Variants in ADGRL2 observed in about 807,000 individuals in gnomAD.
ADGRL2 encodes adhesion G protein-coupled receptor L2.
ADGRL2 carries 44 observed loss-of-function variants against 157.4 expected under a neutral mutation model. The ratio of observed to expected loss-of-function variants is 0.28; its 90% confidence interval spans 0.22 to 0.36. The LOEUF is 0.36. Among genes scored for constraint, ADGRL2 ranks in the 10% least tolerant of loss-of-function variants. ADGRL2 has a pLI of 1.00. For missense variants in ADGRL2, 1,510 were observed against 1,768.9 expected (o/e 0.85, Z 2.63); for synonymous variants, 585 against 624.7 (o/e 0.94, Z 0.95).
intron 1 of ADGRL2, among the ~76,000 whole-genome samples, chr1:81,410,563 T>C (rs1377759829): frequency 6.6e-6 from 1 of 152,198 alleles, no homozygotes; most frequent in Non-Finnish European, 1.5e-5. Context: ...ACATAGAAGC[T>C]ATGCCAGCCT....
chr1:81,596,308 T>C (rs1045955858), intron 3 of ADGRL2: 1 of 551,190 alleles, frequency 1.8e-6, no homozygotes, highest in African/African-American at 1.9e-5. Flanking sequence ...CAAGGATTTT[T>C]TCTTGTAGTG....
In ADGRL2 at chr1:81,943,773, AGC is replaced by A; in HGVS notation, c.1210+6_1210+7del. On this transcript the variant is annotated splice_donor_5th_base_variant and intron_variant, in intron 6 of 23. Transcript: ENST00000686636. The surrounding 1 kb of genome is among the most constrained non-coding windows in gnomAD (Gnocchi z 5.6). ...GGTCCACCTGATCCTGCCCAAGGTA[AGC>A]GTGTTTACTTGCTAATGCTTATGTC... is the stretch of plus-strand genomic sequence containing the variant. The A allele has an allele frequency of 6.2e-7, 1 of 1,608,108 alleles. No individual in the cohort carries two copies. Among genetic ancestry groups the A allele is most frequent in the Non-Finnish European group, 8.5e-7 (1 of 1,175,506 alleles).
chr1:81,750,777 C>A (rs2085465456), intron 1 of ADGRL2, among the ~76,000 whole-genome samples: 1 of 151,918 alleles, frequency 6.6e-6, no homozygotes, highest in African/African-American at 2.4e-5. Context: ...CCCTGTGGTG[C>A]TGGTTTGGAA....
At chr1:81,463,085 G>T (rs149714766) in intron 2 of ADGRL2, among the ~76,000 whole-genome samples, 1 of 145,836 alleles carries the variant, frequency 6.9e-6, no homozygotes, top group Admixed American at 7.0e-5. Flanking sequence ...ACTGCATTCC[G>T]GCCTGGGCAA....
intron 1 of ADGRL2, among the ~76,000 whole-genome samples, chr1:81,390,029 A>G (rs1233165361): frequency 3.3e-5 from 5 of 151,986 alleles, no homozygotes; most frequent in East Asian, 1.9e-4. Flanking sequence ...TAAATGTTCT[A>G]TGGATTCTTC....
chr1:81,357,499 A>G (rs539667818), intron 1 of ADGRL2, among the ~76,000 whole-genome samples: 1 of 152,290 alleles, frequency 6.6e-6, no homozygotes, highest in African/African-American at 2.4e-5. Flanking sequence ...TTAGGATATA[A>G]CTCAATGTTT....
chr1:81,900,935 A>G (rs1291134854), intron 2 of ADGRL2, among the ~76,000 whole-genome samples: 2 of 152,170 alleles, frequency 1.3e-5, no homozygotes, highest in Non-Finnish European at 1.5e-5. Context: ...AATTCAAGCG[A>G]ATTAAAATAA....
At chr1:81,933,104 A>T (rs369442820) in intron 3 of ADGRL2, among the ~76,000 whole-genome samples, 1 of 152,206 alleles carries the variant, frequency 6.6e-6, no homozygotes, top group Non-Finnish European at 1.5e-5. Flanking sequence ...TCATCTGTTC[A>T]TCTTTATAAA....
chr1:81,457,683 A>T (rs1166250115), intron 2 of ADGRL2, among the ~76,000 whole-genome samples: 3 of 152,194 alleles, frequency 2.0e-5, no homozygotes, highest in African/African-American at 4.8e-5. Flanking sequence ...AGCCAAATGA[A>T]TTTTTTTTAA....
intron 3 of ADGRL2, among the ~76,000 whole-genome samples, chr1:81,914,161 G>T (rs1031501862): frequency 6.6e-6 from 1 of 152,000 alleles, no homozygotes. Flanking sequence ...TCTCGTTGAC[G>T]TACAGTCCTC....
chr1:81,755,802 G>A (rs1159660852), intron 1 of ADGRL2, among the ~76,000 whole-genome samples: 1 of 151,714 alleles, frequency 6.6e-6, no homozygotes, highest in African/African-American at 2.4e-5. Flanking sequence ...AGGACATAGA[G>A]TGGTTTTTGA....
At chr1:81,726,979 G>T (rs1049256634) in intron 1 of ADGRL2, among the ~76,000 whole-genome samples, 1 of 152,248 alleles carries the variant, frequency 6.6e-6, no homozygotes, top group African/African-American at 2.4e-5. Flanking sequence ...ATTTCATGTG[G>T]CATTTTTAAT....
intron 3 of ADGRL2, among the ~76,000 whole-genome samples, chr1:81,637,303 AAAG>A (rs2082133594): frequency 6.6e-6 from 1 of 152,234 alleles, no homozygotes; most frequent in African/African-American, 2.4e-5. Flanking sequence ...AATCTTCACA[AAAG>A]CCTTCCAGGT....
At position 81,943,210 on chromosome 1, in the gene ADGRL2, G is replaced by A; in HGVS notation, c.651G>A (p.Val217=). Residue 217 remains valine (V), a synonymous_variant, in exon 6 of 24, where the codon GTG becomes GTA. Coordinates refer to ENST00000686636, the MANE Select transcript of ADGRL2 (RefSeq NM_001366006.2). This position sits in a 1 kb window ranked among gnomAD's most constrained non-coding sequence, Gnocchi z 5.6. The part of the protein sequence containing the change: ...LPNRVDGTGF[V]VYDGAVFFNK... The stretch of plus-strand genomic sequence containing the variant: ...ATCGAGTAGATGGTACTGGATTTGT[G>A]GTGTATGATGGTGCTGTCTTCTTTA... The A allele has an allele frequency of 6.2e-7, 1 of 1,613,466 alleles. No individual in the cohort carries two copies. Among genetic ancestry groups the A allele is most frequent in the South Asian group, 1.1e-5 (1 of 91,066 alleles).
chr1:81,933,034 ATAG>A (rs2095257427), intron 3 of ADGRL2, among the ~76,000 whole-genome samples: 1 of 152,118 alleles, frequency 6.6e-6, no homozygotes, highest in Non-Finnish European at 1.5e-5. Flanking sequence ...TTTTCAGCTG[ATAG>A]TGGTGCTGTT....
At chr1:81,600,599 T>A (rs1045058868) in intron 3 of ADGRL2, among the ~76,000 whole-genome samples, 5 of 152,248 alleles carry the variant, frequency 3.3e-5, no homozygotes, top group Non-Finnish European at 5.9e-5. Context: ...GATAATAATT[T>A]AGAGACTAAT....
At chr1:81,832,954 T>C (rs545741949) in intron 1 of ADGRL2, among the ~76,000 whole-genome samples, 1 of 152,260 alleles carries the variant, frequency 6.6e-6, no homozygotes, top group East Asian at 1.9e-4. Flanking sequence ...CTGATTGAGG[T>C]TCAGCTAAAG....
intron 1 of ADGRL2, among the ~76,000 whole-genome samples, chr1:81,328,895 C>G (rs1661081591): frequency 6.6e-6 from 1 of 151,572 alleles, no homozygotes; most frequent in South Asian, 2.1e-4. Context: ...TGCCCTTTAA[C>G]TGGACTGTTT....
At chr1:81,744,047 C>T (rs1008369180) in intron 1 of ADGRL2, among the ~76,000 whole-genome samples, 5 of 151,980 alleles carry the variant, frequency 3.3e-5, no homozygotes, top group Admixed American at 3.3e-4. Context: ...AAGTGGGAAG[C>T]TAAAGATATA....
Sources: allele counts gnomAD v4.1 joint callset (sites outside exome capture counted in the v4.1 genomes callset), GRCh38; gene constraint gnomAD v4.1.1; non-coding constraint Gnocchi (gnomAD v3.1); transcripts MANE v1.5; gene names NCBI Gene and HGNC (gene_info 2026-07-23, HGNC 2026-07-21).